EBF1: variants seen among roughly 807,000 people sequenced by gnomAD.
EBF1 encodes the protein EBF transcription factor 1.
In EBF1, 10 loss-of-function variants were observed where a neutral mutation model predicts 68.4. The observed-to-expected ratio is 0.15, with a 90% CI of 0.09 to 0.25. The LOEUF (loss-of-function observed/expected upper bound fraction) is 0.25. Ranked by LOEUF, EBF1 falls within the 10% of genes least tolerant of loss-of-function variation. The probability of loss-of-function intolerance (pLI) is 1.00; values close to 1 mark genes in which losing one functional copy is unlikely to be tolerated. For synonymous variants in EBF1, 298 were observed against 299.8 expected, an observed-to-expected ratio of 0.99 and a Z score of 0.06; for missense variants, 509 against 794.4, an observed-to-expected ratio of 0.64 and a Z score of 4.32.
chr5:159,026,328 T>G (rs763613828), intron 6 of EBF1, among the ~76,000 whole-genome samples: 14 of 151,906 alleles, frequency 9.2e-5, no homozygotes, highest in Non-Finnish European at 1.9e-4. Context: ...AAATTCCAGG[T>G]TAAATACAAA....
Position 158,922,842 on chromosome 5 carries a change from T to A in EBF1, c.555-82732A>T, listed in dbSNP as rs116060343. ...GGATTTTATTTCAAGGACTATCATT[T>A]ATTTTATTTTACTCTTTTTTCTAAC... is the stretch of plus-strand genomic sequence containing the variant. On this transcript the variant is annotated intron_variant, in intron 6 of 15. Transcript: ENST00000313708. Among the ~76,000 whole-genome samples the A allele has an allele frequency of 7.2e-3, 1,098 of 152,374 alleles. 12 individuals carry two copies. Among genetic ancestry groups the A allele is most frequent in the African/African-American group, 0.025 (1,053 of 41,590 alleles).
intron 6 of EBF1, among the ~76,000 whole-genome samples, chr5:158,960,280 C>A (rs1203209822): frequency 6.6e-6 from 1 of 151,962 alleles, no homozygotes; most frequent in Non-Finnish European, 1.5e-5. Context: ...TCAAAAATTG[C>A]CACTTAAATA....
intron 4 of EBF1, among the ~76,000 whole-genome samples, chr5:159,090,758 C>T (rs544781456): frequency 4.6e-5 from 7 of 152,106 alleles, no homozygotes; most frequent in African/African-American, 1.7e-4. Context: ...ATGGTAACTA[C>T]ATTTACACCT....
intron 10 of EBF1, among the ~76,000 whole-genome samples, chr5:158,770,228 C>G (rs2127650801): frequency 6.6e-6 from 1 of 152,112 alleles, no homozygotes; most frequent in Non-Finnish European, 1.5e-5. Flanking sequence ...CTCCCTCATC[C>G]CCACATCTAA....
At chr5:158,977,667 T>C (rs893933842) in intron 6 of EBF1, among the ~76,000 whole-genome samples, 1 of 152,240 alleles carries the variant, frequency 6.6e-6, no homozygotes, top group African/African-American at 2.4e-5. Flanking sequence ...ATCTGTGTCA[T>C]GTGCGTTTCC....
intron 10 of EBF1, among the ~76,000 whole-genome samples, chr5:158,773,962 G>A (rs1774474070): frequency 2.6e-5 from 4 of 152,276 alleles, no homozygotes; most frequent in Non-Finnish European, 1.5e-5. Flanking sequence ...AATCAATCCT[G>A]TGATTAGATA....
chr5:158,778,879 T>G (rs1775843518), intron 9 of EBF1, among the ~76,000 whole-genome samples: 1 of 152,182 alleles, frequency 6.6e-6, no homozygotes, highest in Non-Finnish European at 1.5e-5. Context: ...GAACTATTTA[T>G]CCCTGTACTA....
intron 11 of EBF1, among the ~76,000 whole-genome samples, chr5:158,722,007 T>G (rs959924923): frequency 4.6e-5 from 7 of 151,770 alleles, no homozygotes; most frequent in African/African-American, 1.7e-4. Flanking sequence ...CAGTGAAAAA[T>G]GGTGTCTGCA....
chr5:158,898,297 A>G (rs1012392670), intron 6 of EBF1, among the ~76,000 whole-genome samples: 2 of 152,176 alleles, frequency 1.3e-5, no homozygotes, highest in African/African-American at 4.8e-5. Flanking sequence ...CCACATCATT[A>G]CTAATCATTT....
chr5:158,776,835 C>A (rs539498702), intron 10 of EBF1, among the ~76,000 whole-genome samples: 1 of 152,270 alleles, frequency 6.6e-6, no homozygotes, highest in East Asian at 1.9e-4. Context: ...TGATGTCATT[C>A]CACAGAGATG....
intron 7 of EBF1, among the ~76,000 whole-genome samples, chr5:158,824,943 G>A (rs1785717348): frequency 6.6e-6 from 1 of 152,202 alleles, no homozygotes; most frequent in African/African-American, 2.4e-5. Flanking sequence ...GGTTGATTTT[G>A]TTTTCTAAAT....
chr5:159,080,740 C>T (rs1779615409), intron 5 of EBF1, among the ~76,000 whole-genome samples: 1 of 152,144 alleles, frequency 6.6e-6, no homozygotes, highest in African/African-American at 2.4e-5. Flanking sequence ...TAATCTTAAT[C>T]ACCAACTTCT....
chr5:158,765,948 G>A (rs1202106656), intron 10 of EBF1, among the ~76,000 whole-genome samples: 1 of 152,092 alleles, frequency 6.6e-6, no homozygotes, highest in Non-Finnish European at 1.5e-5. Flanking sequence ...AACTATATAT[G>A]GGCAGATCCC....
intron 10 of EBF1, among the ~76,000 whole-genome samples, chr5:158,759,324 C>A (rs1031351233): frequency 2.6e-5 from 4 of 152,104 alleles, no homozygotes; most frequent in Admixed American, 2.6e-4. Context: ...GTTCCATGGA[C>A]CTATTTTTTT....
At chr5:158,781,608 G>A (rs919912488) in intron 9 of EBF1, among the ~76,000 whole-genome samples, 3 of 152,102 alleles carry the variant, frequency 2.0e-5, no homozygotes, top group Non-Finnish European at 4.4e-5. Context: ...TGTGTCTCCT[G>A]TCTCAGTTAA....
At chr5:159,051,521 G>T (rs1158348780) in intron 6 of EBF1, among the ~76,000 whole-genome samples, 1 of 149,910 alleles carries the variant, frequency 6.7e-6, no homozygotes, top group African/African-American at 2.5e-5. Context: ...CGACAAACTG[G>T]AGCCGGGGCC....
Position 158,713,156 on chromosome 5 carries a change from T to C in EBF1, c.1192-9A>G. The C allele has an allele frequency of 6.9e-7, 1 of 1,458,928 alleles. No homozygotes were observed. Among genetic ancestry groups the C allele is most frequent in the South Asian group, 1.5e-5 (1 of 65,468 alleles). 90.4% of individuals were successfully genotyped at this position (1,458,928 alleles called of 1,614,324 possible). ...CTCTTCAGAATGATTTCCTGAAAAG[T>C]CAAAGGAATATCCCCTTCAGCTGCC... On this transcript the variant is annotated splice_polypyrimidine_tract_variant and intron_variant, in intron 12 of 15. Transcript: ENST00000313708.
rs1780844634 is a variant in EBF1, at chr5:158,802,759, A to ACTCAC, written c.779-6289_779-6285dup. 2.6e-5 allele frequency among the ~76,000 whole-genome samples: 4 copies of ACTCAC among 152,234 alleles called. No individual in the cohort carries two copies. In the South Asian group the frequency reaches 8.3e-4, roughly 32 times the overall value. On this transcript the variant is annotated intron_variant, in intron 8 of 15. Coordinates refer to ENST00000313708, the MANE Select transcript of EBF1 (RefSeq NM_024007.5). ...TTTAAGTTGTAGTTTCCATAAGGGC[A>ACTCAC]CTCACCTCACAGAGTTCCAGCAAAA...
intron 10 of EBF1, among the ~76,000 whole-genome samples, chr5:158,734,652 G>A (rs1293281615): frequency 6.6e-6 from 1 of 152,112 alleles, no homozygotes; most frequent in Non-Finnish European, 1.5e-5. Flanking sequence ...GCAGGGCTCA[G>A]GAGGCACCAG....
Sources: gnomAD v4.1 joint callset for allele counts (sites outside exome capture counted in the v4.1 genomes callset) on GRCh38, gnomAD v4.1.1 for gene constraint, MANE v1.5 for transcripts, NCBI Gene and HGNC (gene_info 2026-07-23, HGNC 2026-07-21) for gene names.